The following CADM1 variants were observed in gnomAD, a reference collection of about 807,000 sequenced individuals.
CADM1 encodes TSLC-1.
A neutral mutation model predicts 53.1 loss-of-function variants in CADM1; 15 were observed. The observed-to-expected ratio is 0.28, with a 90% confidence interval of 0.19 to 0.44. The LOEUF is 0.44. Among genes scored for constraint, CADM1 ranks in the 20% least tolerant of loss-of-function variants. The probability of loss-of-function intolerance (pLI) is 1.00; values close to 1 mark genes in which losing one functional copy is unlikely to be tolerated. For missense variants in CADM1, 434 were observed against 611.3 expected, an observed-to-expected ratio of 0.71 and a Z score of 3.06; for synonymous variants, 281 against 243.0, an observed-to-expected ratio of 1.16 and a Z score of -1.45.
At chr11:115,332,836 T>G (rs756302909) in intron 1 of CADM1, among the ~76,000 whole-genome samples, 32 of 152,094 alleles carry the variant, frequency 2.1e-4, no homozygotes, top group Non-Finnish European at 4.6e-4. Context: ...AAAAATATAT[T>G]TAATCCCTAC....
At chr11:115,236,580 G>A (rs1942018735) in intron 3 of CADM1, among the ~76,000 whole-genome samples, 3 of 152,128 alleles carry the variant, frequency 2.0e-5, no homozygotes. Context: ...AAATTCTAGT[G>A]CTGGCACACT....
intron 1 of CADM1, among the ~76,000 whole-genome samples, chr11:115,328,702 GTATA>G (rs1248335730): frequency 0.097 from 983 of 10,134 alleles, 233 homozygotes; most frequent in African/African-American, 0.27. Flanking sequence ...GTATATATAT[GTATA>G]TATATATGTG....
chr11:115,302,994 AT>A (rs1270478188), intron 1 of CADM1, among the ~76,000 whole-genome samples: 1 of 152,116 alleles, frequency 6.6e-6, no homozygotes, highest in Non-Finnish European at 1.5e-5. Context: ...GCTGCTAGAC[AT>A]GAAAACAAAC....
chr11:115,435,329 A>G (rs781550924), intron 1 of CADM1, among the ~76,000 whole-genome samples: 5 of 152,224 alleles, frequency 3.3e-5, no homozygotes, highest in African/African-American at 9.6e-5. Context: ...AGCCAGCCCA[A>G]AAGCTAGGAA....
intron 1 of CADM1, among the ~76,000 whole-genome samples, chr11:115,419,711 ATTAG>A (rs762947285): frequency 3.3e-5 from 5 of 152,182 alleles, no homozygotes; most frequent in South Asian, 2.1e-4. Flanking sequence ...CAATAATCTG[ATTAG>A]TTAAACTGGG....
chr11:115,331,868 T>C (rs1316668210), intron 1 of CADM1, among the ~76,000 whole-genome samples: 2 of 147,302 alleles, frequency 1.4e-5, no homozygotes, highest in African/African-American at 5.2e-5. Context: ...AAATGAAATA[T>C]AGACCTTTTT....
intron 1 of CADM1, among the ~76,000 whole-genome samples, chr11:115,291,866 G>A (rs1200144342): frequency 6.6e-6 from 1 of 152,186 alleles, no homozygotes; most frequent in Non-Finnish European, 1.5e-5. Flanking sequence ...ATATTTAATT[G>A]CCTGTTGCTC....
chr11:115,298,967 T>C (rs1345923554), intron 1 of CADM1, among the ~76,000 whole-genome samples: 1 of 152,208 alleles, frequency 6.6e-6, no homozygotes. Context: ...TCTCTCGGAA[T>C]ACTAATATCA....
At position 115,416,698 on chromosome 11, in the gene CADM1, TACACAC is replaced by T. The variant is rs34112529; in HGVS notation, c.124+87567_124+87572del. ...ATGCTGGTCAGTTGTAAGGATTAAA[TACACAC>T]ACACACACACACACACACACACACA... On this transcript the variant is annotated intron_variant, in intron 1 of 11. Transcript: ENST00000331581. 3.4e-3 allele frequency among the ~76,000 whole-genome samples: 488 copies of T among 141,460 alleles called. 2 individuals carry two copies. The highest frequency in any genetic ancestry group is 0.022 in the Middle Eastern group (6 of 276). The allele number at this position is 141,460 out of a possible 152,430, so 92.8% of individuals were successfully genotyped here.
intron 1 of CADM1, among the ~76,000 whole-genome samples, chr11:115,291,748 A>G (rs1386538960): frequency 6.6e-6 from 1 of 152,212 alleles, no homozygotes; most frequent in East Asian, 1.9e-4. Flanking sequence ...GCAAGAGAAT[A>G]TTAATTAATA....
At chr11:115,401,402 T>G (rs1008138225) in intron 1 of CADM1, among the ~76,000 whole-genome samples, 1 of 150,788 alleles carries the variant, frequency 6.6e-6, no homozygotes, top group Non-Finnish European at 1.5e-5. Flanking sequence ...AGGTCAGGAG[T>G]TTCAGACCAG....
At chr11:115,427,184 C>T (rs2135285035) in intron 1 of CADM1, among the ~76,000 whole-genome samples, 1 of 152,310 alleles carries the variant, frequency 6.6e-6, no homozygotes, top group South Asian at 2.1e-4. Context: ...CCTAAAGAAA[C>T]TCTCACACAT....
chr11:115,239,987 G>C (rs1942163202), intron 2 of CADM1, among the ~76,000 whole-genome samples: 1 of 152,068 alleles, frequency 6.6e-6, no homozygotes, highest in African/African-American at 2.4e-5. Context: ...TTACCCTGTT[G>C]AGTTGTTTGT....
intron 1 of CADM1, among the ~76,000 whole-genome samples, chr11:115,296,575 G>A (rs1313877527): frequency 2.0e-5 from 3 of 152,258 alleles, no homozygotes; most frequent in South Asian, 2.1e-4. Context: ...CTCTTTGCAC[G>A]TGTCTGCATC....
intron 10 of CADM1, among the ~76,000 whole-genome samples, chr11:115,180,228 G>A (rs1454932057): frequency 6.6e-6 from 1 of 152,146 alleles, no homozygotes; most frequent in South Asian, 2.1e-4. Context: ...GAAATAACTC[G>A]TGACTGAGGG....
At chr11:115,223,971 A>G (rs201069545) in intron 5 of CADM1, among the ~76,000 whole-genome samples, 1 of 16,976 alleles carries the variant, frequency 5.9e-5, no homozygotes, top group East Asian at 2.9e-3. Context: ...AAAAAAAAAA[A>G]AAAGAGAGAG....
intron 1 of CADM1, among the ~76,000 whole-genome samples, chr11:115,478,365 G>GA (rs1038794046): frequency 6.6e-6 from 1 of 151,424 alleles, no homozygotes; most frequent in Non-Finnish European, 1.5e-5. Context: ...AAAATGTGAA[G>GA]AAAAAAAGGG....
At chr11:115,395,001 G>C (rs1331098390) in intron 1 of CADM1, among the ~76,000 whole-genome samples, 1 of 152,086 alleles carries the variant, frequency 6.6e-6, no homozygotes, top group Admixed American at 6.6e-5. Context: ...AAGTAGGAAG[G>C]GGCACAACAG....
chr11:115,370,387 C>T (rs780487307), intron 1 of CADM1, among the ~76,000 whole-genome samples: 4 of 152,074 alleles, frequency 2.6e-5, no homozygotes, highest in South Asian at 2.1e-4. Context: ...TAAGCCCTGA[C>T]GAGGGGGTAT....
Sources: gnomAD v4.1 joint callset for allele counts (sites outside exome capture counted in the v4.1 genomes callset) on GRCh38, gnomAD v4.1.1 for gene constraint, MANE v1.5 for transcripts, NCBI Gene and HGNC (gene_info 2026-07-23, HGNC 2026-07-21) for gene names.